The following PRKN variants were observed in gnomAD, a reference collection of about 807,000 sequenced individuals.
The protein encoded by PRKN is E3 ubiquitin-protein ligase parkin.
In PRKN, 56 loss-of-function variants were observed where a neutral mutation model predicts 59.5. The ratio of observed to expected loss-of-function variants is 0.94; its 90% CI spans 0.76 to 1.18. PRKN has a LOEUF of 1.18. Ranked by LOEUF, PRKN falls within the 50% of genes most tolerant of loss-of-function variation. The probability of loss-of-function intolerance (pLI) is 0.00; values close to 1 mark genes in which losing one functional copy is unlikely to be tolerated. For missense variants in PRKN, 657 were observed against 596.4 expected, an observed-to-expected ratio of 1.10 and a Z score of -1.06; for synonymous variants, 250 against 222.1, an observed-to-expected ratio of 1.13 and a Z score of -1.12.
At chr6:162,337,344 T>G (rs1165251368) in intron 2 of PRKN, among the ~76,000 whole-genome samples, 1 of 152,238 alleles carries the variant, frequency 6.6e-6, no homozygotes, top group Non-Finnish European at 1.5e-5. Flanking sequence ...AATATTTGCA[T>G]AAATATTTAA....
At chr6:162,065,677 C>T (rs534849539) in intron 4 of PRKN, among the ~76,000 whole-genome samples, 1 of 152,006 alleles carries the variant, frequency 6.6e-6, no homozygotes, top group Non-Finnish European at 1.5e-5. Flanking sequence ...CCCATCAACT[C>T]GTCATTTACA....
intron 1 of PRKN, among the ~76,000 whole-genome samples, chr6:162,453,474 A>G (rs1790721274): frequency 2.0e-5 from 3 of 152,200 alleles, no homozygotes; most frequent in South Asian, 4.1e-4. Context: ...TAAGACGTGT[A>G]TACTGTGGCT....
intron 7 of PRKN, among the ~76,000 whole-genome samples, chr6:161,713,834 T>C (rs111829330): frequency 0.04 from 6,097 of 152,232 alleles, 455 homozygotes; most frequent in African/African-American, 0.14. Context: ...CGGGAGGTAA[T>C]TGAATCATGG....
Position 162,262,682 on chromosome 6 carries a change from G to A in PRKN, c.255C>T (p.Gly85=), listed in dbSNP as rs769477007. The A allele has an allele frequency of 1.6e-5, 26 of 1,612,124 alleles. No individual in the cohort carries two copies. The South Asian group carries it at 1.8e-4, about 11-fold the overall frequency. The part of the protein sequence containing the change: ...RKGQEMNATG[G]DDPRNAAGGC... Reference sequence around the variant, plus strand: ...CTCCCGCCGCGTTTCTGGGGTCGTCGCCTCCAGTTGCATTCATTTCTTGAC... The same window carrying A: ...CTCCCGCCGCGTTTCTGGGGTCGTCACCTCCAGTTGCATTCATTTCTTGAC... Residue 85 remains glycine (G), a synonymous_variant, in exon 3 of 12, where the codon GGC becomes GGT. Coordinates refer to ENST00000366898, the MANE Select transcript of PRKN (RefSeq NM_004562.3).
At chr6:161,374,638 G>A (rs117806367) in intron 10 of PRKN, among the ~76,000 whole-genome samples, 209 of 3,644 alleles carry the variant, frequency 0.057, no homozygotes, top group South Asian at 0.083. Flanking sequence ...TGTGATGTAT[G>A]TGTGGTGTGT....
chr6:161,590,871 T>TA (rs1781696580), intron 7 of PRKN, among the ~76,000 whole-genome samples: 1 of 151,990 alleles, frequency 6.6e-6, no homozygotes, highest in Non-Finnish European at 1.5e-5. Flanking sequence ...CTAGACATAA[T>TA]AGTCTAGATA....
chr6:162,608,766 G>A (rs1479256327), intron 1 of PRKN, among the ~76,000 whole-genome samples: 1 of 152,100 alleles, frequency 6.6e-6, no homozygotes, highest in Non-Finnish European at 1.5e-5. Flanking sequence ...AAGAACATAG[G>A]GAGGCATGCT....
chr6:161,827,652 T>G (rs779150980), intron 6 of PRKN, among the ~76,000 whole-genome samples: 35 of 151,626 alleles, frequency 2.3e-4, no homozygotes, highest in Non-Finnish European at 4.7e-4. Flanking sequence ...GGACTACAGG[T>G]GTGTGCCACC....
intron 6 of PRKN, among the ~76,000 whole-genome samples, chr6:161,966,396 T>C (rs1394005519): frequency 6.6e-6 from 1 of 150,872 alleles, no homozygotes; most frequent in Non-Finnish European, 1.5e-5. Flanking sequence ...AGCAGAAATA[T>C]CAATTTCGTT....
In PRKN at chr6:161,468,870, A is replaced by G. The variant is rs1297754865; in HGVS notation, c.1083+79984T>C. ...GCCTATACACCTGTCAGTCCTTCCC[A>G]TAAGACATACTCAACACCAACCTGG... On this transcript the variant is annotated intron_variant, in intron 9 of 11. Transcript: ENST00000366898. The surrounding 1 kb of genome is among the most constrained non-coding windows in gnomAD (Gnocchi z 5.9). 6.6e-6 allele frequency among the ~76,000 whole-genome samples: 1 copy of G among 152,164 alleles called. No homozygotes were observed. The highest frequency in any genetic ancestry group is 2.4e-5 in the African/African-American group (1 of 41,428).
chr6:162,654,854 A>G (rs1313003934), intron 1 of PRKN, among the ~76,000 whole-genome samples: 1 of 151,740 alleles, frequency 6.6e-6, no homozygotes, highest in Non-Finnish European at 1.5e-5. Context: ...GTGGGGGGGG[A>G]AATCCCCCTA....
At chr6:162,600,305 G>A (rs998471559) in intron 1 of PRKN, among the ~76,000 whole-genome samples, 11 of 152,074 alleles carry the variant, frequency 7.2e-5, no homozygotes, top group African/African-American at 2.7e-4. Context: ...CATATCAGTA[G>A]TTTATTTTTT....
At chr6:161,968,995 T>A (rs1784588) in intron 6 of PRKN, among the ~76,000 whole-genome samples, 73,914 of 152,036 alleles carry the variant, frequency 0.49, 18,125 homozygotes, top group Middle Eastern at 0.59. Context: ...GAAATTCTTG[T>A]ATTCATAAAT....
Position 161,765,286 on chromosome 6 carries a change from G to A in PRKN, c.871+20486C>T, listed in dbSNP as rs1437718357. 3.9e-5 allele frequency among the ~76,000 whole-genome samples: 6 copies of A among 152,076 alleles called. No homozygotes were observed. In the South Asian group the frequency reaches 8.3e-4, roughly 21 times the overall value. On this transcript the variant is annotated intron_variant, in intron 7 of 11. Transcript: ENST00000366898. Reference sequence around the variant, plus strand: ...AGTGGTCTTCCTTGTCTCTGAACCCGGGTTTTCTAAATCATTCGCATAGTG... The same window carrying A: ...AGTGGTCTTCCTTGTCTCTGAACCCAGGTTTTCTAAATCATTCGCATAGTG...
chr6:162,274,183 G>T (rs5006726), intron 2 of PRKN, among the ~76,000 whole-genome samples: 12,865 of 151,320 alleles, frequency 0.085, 1,164 homozygotes, highest in East Asian at 0.49. Flanking sequence ...ATTTATTAAT[G>T]TATTTATTTA....
At chr6:162,678,370 C>T (rs1779633798) in intron 1 of PRKN, among the ~76,000 whole-genome samples, 1 of 152,174 alleles carries the variant, frequency 6.6e-6, no homozygotes, top group Non-Finnish European at 1.5e-5. Context: ...CTATATAAGA[C>T]ACTGCCATAC....
At chr6:162,404,826 A>C (rs1450855409) in intron 2 of PRKN, among the ~76,000 whole-genome samples, 1 of 152,180 alleles carries the variant, frequency 6.6e-6, no homozygotes, top group Non-Finnish European at 1.5e-5. Context: ...TGCTGGGATT[A>C]CAGGCGTGAG....
chr6:161,386,955 C>A lies in PRKN; in HGVS notation c.1084-78G>T. The A allele has an allele frequency of 9.4e-7, 1 of 1,068,386 alleles. No homozygotes were observed. Among genetic ancestry groups the A allele is most frequent in the South Asian group, 1.3e-5 (1 of 79,722 alleles). 66.2% of individuals were successfully genotyped at this position (1,068,386 alleles called of 1,614,324 possible). ...TAACACATTTTTCCTTTTCCAAATT[C>A]ATTATATTCATTCCTCTGGCTTGTG... On this transcript the variant is annotated intron_variant, in intron 9 of 11. Transcript: ENST00000366898. This position sits in a 1 kb window ranked among gnomAD's most constrained non-coding sequence, Gnocchi z 4.3.
intron 1 of PRKN, among the ~76,000 whole-genome samples, chr6:162,507,826 C>T (rs1033137217): frequency 7.2e-5 from 11 of 152,120 alleles, no homozygotes; most frequent in Non-Finnish European, 1.3e-4. Context: ...TGCACAGATC[C>T]GACATGCTGT....
Sources: gnomAD v4.1 joint callset for allele counts (sites outside exome capture counted in the v4.1 genomes callset) on GRCh38, gnomAD v4.1.1 for gene constraint, Gnocchi (gnomAD v3.1) non-coding constraint, MANE v1.5 for transcripts, NCBI Gene and HGNC (gene_info 2026-07-23, HGNC 2026-07-21) for gene names.